Variants in TP53BP1 observed in about 807,000 individuals in gnomAD.
TP53BP1 encodes tumor protein p53 binding protein 1, also known as TP53-binding protein 1.
A neutral mutation model predicts 200.8 loss-of-function variants in TP53BP1; 61 were observed. The observed-to-expected ratio is 0.30, with a 90% CI of 0.25 to 0.38. TP53BP1 has a LOEUF of 0.38. Among genes scored for constraint, TP53BP1 ranks in the 10% least tolerant of loss-of-function variants. The pLI is 1.00. For missense variants in TP53BP1, 2,144 were observed against 2,371.9 expected (o/e 0.90, Z 2.00); for synonymous variants, 822 against 844.3 (o/e 0.97, Z 0.46).
chr15:43,405,333 A>C lies in TP53BP1; in HGVS notation c.*2050T>G. On this transcript the variant is annotated 3_prime_UTR_variant, in exon 28 of 28. Transcript: ENST00000382044. Reference sequence around the variant, plus strand: ...ATCTGCGGCTTAGTGATAGGACTCTACCTTTTCTCCTAGAAGCAGTTACTG... The same window carrying C: ...ATCTGCGGCTTAGTGATAGGACTCTCCCTTTTCTCCTAGAAGCAGTTACTG... 2 of 1,160,896 alleles carry C rather than the reference A, an allele frequency of 1.7e-6. No individual in the cohort carries two copies. Among genetic ancestry groups the C allele is most frequent in the Non-Finnish European group, 2.5e-6 (2 of 789,462 alleles). The allele number at this position is 1,160,896 out of a possible 1,614,324, so 71.9% of individuals were successfully genotyped here.
At chr15:43,466,851 T>G (rs2046592942) in intron 11 of TP53BP1, among the ~76,000 whole-genome samples, 1 of 152,148 alleles carries the variant, frequency 6.6e-6, no homozygotes, top group African/African-American at 2.4e-5. Flanking sequence ...GTCAAGACCC[T>G]GTGCCTAAGA....
At position 43,420,731 on chromosome 15, in the gene TP53BP1, T is replaced by C; in HGVS notation, c.4255A>G (p.Thr1419Ala). ...ATGCCCAAGGGGCCAGGCACAGCTG[T>C]TTCTCTAAAGAGAGATAGGGGATAG... ...PPSRTTGTRE[T>A]AVPGPLGIED... Residue 1419 changes from threonine (T) to alanine (A), a missense_variant, in exon 21 of 28, where the codon ACA (threonine) becomes GCA (alanine). By Grantham distance (58) the Thr-to-Ala change is moderately conservative. This residue lies in a region of TP53BP1 where 1,700 missense variants were observed against 1,710.3 expected (regional missense o/e 0.99). Coordinates refer to ENST00000382044, the MANE Select transcript of TP53BP1 (RefSeq NM_001141980.3). 1 of 1,612,504 alleles carries C rather than the reference T, an allele frequency of 6.2e-7. No individual in the cohort carries two copies. Among genetic ancestry groups the C allele is most frequent in the Non-Finnish European group, 8.5e-7 (1 of 1,179,142 alleles).
In TP53BP1 at chr15:43,442,271, C is replaced by T. The variant is rs45491194; in HGVS notation, c.3041-688G>A. Among the ~76,000 whole-genome samples, 688 of 151,508 alleles carry T rather than the reference C, an allele frequency of 4.5e-3. 5 individuals are homozygous for T. The highest frequency in any genetic ancestry group is 0.015 in the African/African-American group (634 of 41,304). On this transcript the variant is annotated intron_variant, in intron 14 of 27. Coordinates refer to ENST00000382044, the MANE Select transcript of TP53BP1 (RefSeq NM_001141980.3). Reference sequence around the variant, plus strand: ...CGGCTAATTTTTTTGTATTTTTAGTCGAGACGGGGTTTCACCGTGTTAGCC... The same window carrying T: ...CGGCTAATTTTTTTGTATTTTTAGTTGAGACGGGGTTTCACCGTGTTAGCC...
At chr15:43,423,848 GCTT>G (rs2045464010) in intron 18 of TP53BP1, among the ~76,000 whole-genome samples, 1 of 151,638 alleles carries the variant, frequency 6.6e-6, no homozygotes, top group Non-Finnish European at 1.5e-5. Flanking sequence ...TTCTATTTAT[GCTT>G]CTTTGGGTTC....
rs1005776509 is a variant in TP53BP1, at chr15:43,491,834, A to C, written c.287-81T>G. 1.2e-5 allele frequency: 15 copies of C among 1,250,732 alleles called. 1 individual carries two copies. The highest frequency in any genetic ancestry group is 1.2e-4 in the African/African-American group (8 of 67,760). The allele number at this position is 1,250,732 out of a possible 1,614,324, so 77.5% of individuals were successfully genotyped here. On this transcript the variant is annotated intron_variant, in intron 3 of 27. Coordinates refer to ENST00000382044, the MANE Select transcript of TP53BP1 (RefSeq NM_001141980.3). ...CAAAATCAGGAATACAGACAATACC[A>C]ATCTAATCAGTGACACTAGCACATC... is the stretch of plus-strand genomic sequence containing the variant.
intron 16 of TP53BP1, among the ~76,000 whole-genome samples, chr15:43,437,231 A>G (rs940397301): frequency 6.6e-6 from 1 of 152,138 alleles, no homozygotes; most frequent in Non-Finnish European, 1.5e-5. Flanking sequence ...GATGTTAAAC[A>G]TCTCATATTT....
chr15:43,480,883 G>C lies in TP53BP1; in HGVS notation c.499+12C>G. 6.2e-7 allele frequency: 1 copy of C among 1,613,808 alleles called. No homozygotes were observed. The highest frequency in any genetic ancestry group is 8.5e-7 in the Non-Finnish European group (1 of 1,179,834). On this transcript the variant is annotated intron_variant, in intron 5 of 27. Transcript: ENST00000382044. ...AGAACAGTCTATTATTCTGAAAAAAGCACAAGGCTACCTTCAGCACCAAGG... is the reference window on the plus strand; with the variant it reads ...AGAACAGTCTATTATTCTGAAAAAACCACAAGGCTACCTTCAGCACCAAGG...
At position 43,404,480 on chromosome 15, in the gene TP53BP1, C is replaced by T; in HGVS notation, c.*2903G>A. ...AGTGTTCGGAATCATCAGATCAACT[C>T]AGATTTGGCTCAACTACTGTTACGA... On this transcript the variant is annotated 3_prime_UTR_variant, in exon 28 of 28. Coordinates refer to ENST00000382044, the MANE Select transcript of TP53BP1 (RefSeq NM_001141980.3). 1 of 1,614,172 alleles carries T rather than the reference C, an allele frequency of 6.2e-7. No individual in the cohort carries two copies. Among genetic ancestry groups the T allele is most frequent in the Non-Finnish European group, 8.5e-7 (1 of 1,180,018 alleles).
Position 43,456,856 on chromosome 15 carries a change from C to G in TP53BP1, c.1752G>C (p.Leu584=). Residue 584 remains leucine, a synonymous_variant, in exon 12 of 28, where the codon CTG becomes CTC. Transcript: ENST00000382044. ...MNPAQDGEVQ[L]SQNDDKTKGD... is the part of the protein sequence containing the mutation. ...CCTTTGTTTTGTCATCATTCTGACT[C>G]AGTTGTACTTCACCATCCTGTGCTG... is the stretch of plus-strand genomic sequence containing the variant. The G allele has an allele frequency of 6.2e-7, 1 of 1,613,996 alleles. No individual in the cohort carries two copies. Among genetic ancestry groups the G allele is most frequent in the African/African-American group, 1.3e-5 (1 of 75,054 alleles).
At chr15:43,479,710 C>A in intron 6 of TP53BP1, 149 bp downstream of exon 6, 4 of 1,163,478 alleles carry the variant, frequency 3.4e-6, no homozygotes, top group Non-Finnish European at 4.8e-6. Context: ...CAACAATTGA[C>A]AAGTATTTAC....
At chr15:43,491,070 C>T (rs2079115158) in intron 4 of TP53BP1, among the ~76,000 whole-genome samples, 1 of 151,714 alleles carries the variant, frequency 6.6e-6, no homozygotes, top group Admixed American at 6.6e-5. Context: ...TGATAATACT[C>T]CTAAATTTTT....
intron 20 of TP53BP1, 118 bp downstream of exon 20, chr15:43,420,907 C>T (rs2045380881): frequency 7.2e-7 from 1 of 1,380,510 alleles, no homozygotes. Context: ...CTGCCCACTC[C>T]CCAGTCAGTA....
At chr15:43,414,574 G>A (rs1230903411) in intron 23 of TP53BP1, among the ~76,000 whole-genome samples, 1 of 152,174 alleles carries the variant, frequency 6.6e-6, no homozygotes, top group African/African-American at 2.4e-5. Flanking sequence ...TGAACCCATA[G>A]CAGCTGGGCC....
chr15:43,490,839 T>A (rs1453591903), intron 4 of TP53BP1, among the ~76,000 whole-genome samples: 2 of 152,216 alleles, frequency 1.3e-5, no homozygotes, highest in African/African-American at 4.8e-5. Flanking sequence ...AATGTCTTCA[T>A]CGTACAGCTG....
At chr15:43,475,074 CATTTGCAG>C (rs1166704762) in intron 9 of TP53BP1, among the ~76,000 whole-genome samples, 1 of 152,176 alleles carries the variant, frequency 6.6e-6, no homozygotes, top group Non-Finnish European at 1.5e-5. Context: ...GAAATAAATT[CATTTGCAG>C]ATTTGAGACA....
chr15:43,481,545 A>C (rs927224213), intron 4 of TP53BP1, among the ~76,000 whole-genome samples: 1 of 151,610 alleles, frequency 6.6e-6, no homozygotes, highest in Non-Finnish European at 1.5e-5. Flanking sequence ...GGCCGGGCAC[A>C]GTGGCTCACA....
chr15:43,418,884 AAAG>A (rs1239817460), intron 21 of TP53BP1, among the ~76,000 whole-genome samples: 2 of 152,230 alleles, frequency 1.3e-5, no homozygotes, highest in Admixed American at 1.3e-4. Context: ...AAGCTTTAAA[AAAG>A]AAGAGAGTAT....
chr15:43,457,604 G>A (rs747280794), intron 11 of TP53BP1, among the ~76,000 whole-genome samples: 12 of 147,718 alleles, frequency 8.1e-5, no homozygotes, highest in East Asian at 5.9e-4. Context: ...CCTTGGAGGC[G>A]GAGGTTGCAG....
intron 16 of TP53BP1, 104 bp from the exon 17 acceptor site, chr15:43,432,781 A>G: frequency 7.9e-7 from 1 of 1,269,130 alleles, no homozygotes; most frequent in Non-Finnish European, 1.1e-6. Context: ...GGGGGGAGCC[A>G]TATTTTGACA....
Sources: allele counts gnomAD v4.1 joint callset (sites outside exome capture counted in the v4.1 genomes callset), GRCh38; gene constraint gnomAD v4.1.1; regional missense constraint gnomAD v4.1.1; transcripts MANE v1.5; gene names NCBI Gene and HGNC (gene_info 2026-07-23, HGNC 2026-07-21).